The following SYT1 variants were observed in gnomAD, a reference collection of about 807,000 sequenced individuals.
SYT1 encodes synaptotagmin-1.
A neutral mutation model predicts 44.8 loss-of-function variants in SYT1; 8 were observed. The ratio of observed to expected loss-of-function variants is 0.18; its 90% CI spans 0.10 to 0.32. The LOEUF (loss-of-function observed/expected upper bound fraction) is 0.32. Among genes scored for constraint, SYT1 ranks in the 10% least tolerant of loss-of-function variants. The pLI, the probability that SYT1 is intolerant of heterozygous loss-of-function variation, is 1.00. For synonymous variants in SYT1, 154 were observed against 188.8 expected (o/e 0.82, Z 1.51); for missense variants, 286 against 509.3 (o/e 0.56, Z 4.22).
At chr12:79,091,843 A>C (rs1046781251) in intron 3 of SYT1, among the ~76,000 whole-genome samples, 3 of 152,112 alleles carry the variant, frequency 2.0e-5, no homozygotes, top group African/African-American at 7.2e-5. Context: ...AAAGTTAATC[A>C]CAATAAAACT....
chr12:78,894,533 A>T (rs1411335702), intron 1 of SYT1, among the ~76,000 whole-genome samples: 1 of 151,356 alleles, frequency 6.6e-6, no homozygotes, highest in Non-Finnish European at 1.5e-5. Flanking sequence ...ACGCATCAAA[A>T]TAATAGGATT....
At chr12:79,145,141 C>A (rs1168244487) in intron 3 of SYT1, among the ~76,000 whole-genome samples, 7 of 152,216 alleles carry the variant, frequency 4.6e-5, no homozygotes, top group Non-Finnish European at 7.3e-5. Flanking sequence ...ATCCAAATTA[C>A]TACTCTTGTT....
chr12:78,902,944 G>A (rs4083221), intron 1 of SYT1, among the ~76,000 whole-genome samples: 110,521 of 151,918 alleles, frequency 0.73, 40,329 homozygotes, highest in East Asian at 0.83. Context: ...TAAAGCAAGG[G>A]TCTTAATTTC....
At position 79,360,106 on chromosome 12, in the gene SYT1, T is replaced by C. The variant is rs372000443; in HGVS notation, c.928+6487T>C. Among the ~76,000 whole-genome samples the C allele has an allele frequency of 4.6e-5, 7 of 152,204 alleles. 1 individual carries two copies. Among genetic ancestry groups the C allele is most frequent in the Admixed American group, 3.3e-4 (5 of 15,276 alleles). ...CACATACCCATGTTATTTTTATGCA[T>C]CTTAAATTTGAAAACTACACTTCAG... On this transcript the variant is annotated intron_variant, in intron 9 of 10. Coordinates refer to ENST00000261205, the MANE Select transcript of SYT1 (RefSeq NM_005639.3).
chr12:79,263,277 T>G (rs967454368), intron 4 of SYT1, among the ~76,000 whole-genome samples: 3 of 152,142 alleles, frequency 2.0e-5, no homozygotes, highest in Admixed American at 1.3e-4. Context: ...GTGATTTTTT[T>G]TTTTTTTTTA....
intron 1 of SYT1, among the ~76,000 whole-genome samples, chr12:78,908,172 T>C (rs919250040): frequency 6.6e-6 from 1 of 151,978 alleles, no homozygotes; most frequent in Non-Finnish European, 1.5e-5. Context: ...CTTCACTATC[T>C]GATCAGCCTG....
chr12:79,151,743 A>G (rs1870285969), intron 3 of SYT1, among the ~76,000 whole-genome samples: 1 of 152,166 alleles, frequency 6.6e-6, no homozygotes, highest in South Asian at 2.1e-4. Flanking sequence ...TGAAGTAAAA[A>G]CAAACCTCAG....
chr12:79,202,079 C>T (rs1389873975), intron 3 of SYT1, among the ~76,000 whole-genome samples: 1 of 152,066 alleles, frequency 6.6e-6, no homozygotes, highest in African/African-American at 2.4e-5. Context: ...GCCAGCATGC[C>T]TGTTTATCAT....
At chr12:78,891,680 G>A (rs1875057915) in intron 1 of SYT1, among the ~76,000 whole-genome samples, 1 of 151,890 alleles carries the variant, frequency 6.6e-6, no homozygotes. Flanking sequence ...GAACATGTAG[G>A]ATAAAAGGAA....
At chr12:79,240,793 T>A (rs923692089) in intron 4 of SYT1, among the ~76,000 whole-genome samples, 7 of 152,224 alleles carry the variant, frequency 4.6e-5, no homozygotes, top group African/African-American at 9.6e-5. Flanking sequence ...ATTCATTTTT[T>A]AAAAAGTAAT....
At chr12:78,927,474 G>T (rs185645451) in intron 1 of SYT1, among the ~76,000 whole-genome samples, 2 of 152,042 alleles carry the variant, frequency 1.3e-5, no homozygotes, top group African/African-American at 2.4e-5. Context: ...TCTTCCGTGC[G>T]TTATGAGATA....
chr12:79,353,641 A>T (rs1565922422), intron 9 of SYT1, 22 bp downstream of exon 9: 1 of 1,579,564 alleles, frequency 6.3e-7, no homozygotes, highest in Admixed American at 1.7e-5. Context: ...GTGTTTATTG[A>T]TTTTTTTCAA....
chr12:79,242,215 T>C lies in SYT1; in HGVS notation c.166+24530T>C, dbSNP rs142561544. ...TGCATGTGGATCACCTGGGTCCTTGTGAACGAATGCTGCAATGACTTTACC... is the reference window on the plus strand; with the variant it reads ...TGCATGTGGATCACCTGGGTCCTTGCGAACGAATGCTGCAATGACTTTACC... On this transcript the variant is annotated intron_variant, in intron 4 of 10. Transcript: ENST00000261205. Among the ~76,000 whole-genome samples, 72 of 152,308 alleles carry C rather than the reference T, an allele frequency of 4.7e-4. No homozygotes were observed. The East Asian group carries it at 0.01, about 22-fold the overall frequency.
chr12:79,102,770 T>A (rs1362179298), intron 3 of SYT1, among the ~76,000 whole-genome samples: 1 of 152,164 alleles, frequency 6.6e-6, no homozygotes, highest in African/African-American at 2.4e-5. Flanking sequence ...GAGATTGAGG[T>A]TTGCAGTAGT....
At chr12:79,076,038 A>T (rs1876625638) in intron 3 of SYT1, among the ~76,000 whole-genome samples, 1 of 152,162 alleles carries the variant, frequency 6.6e-6, no homozygotes, top group Non-Finnish European at 1.5e-5. Flanking sequence ...ATGTCATAAA[A>T]TTACATTACA....
At chr12:79,067,431 T>C (rs189267186) in intron 3 of SYT1, among the ~76,000 whole-genome samples, 1 of 152,294 alleles carries the variant, frequency 6.6e-6, no homozygotes, top group African/African-American at 2.4e-5. Context: ...AGTAGGAAAC[T>C]ATATCTATAT....
intron 9 of SYT1, among the ~76,000 whole-genome samples, chr12:79,420,046 G>T (rs903150394): frequency 1.3e-5 from 2 of 152,066 alleles, no homozygotes; most frequent in African/African-American, 4.8e-5. Context: ...AACATGCCAT[G>T]GTAGGTAAAT....
intron 3 of SYT1, among the ~76,000 whole-genome samples, chr12:79,138,089 C>T (rs545518764): frequency 6.6e-6 from 1 of 152,130 alleles, no homozygotes; most frequent in African/African-American, 2.4e-5. Flanking sequence ...TATTGATTTC[C>T]CTGATCTTGC....
intron 2 of SYT1, among the ~76,000 whole-genome samples, chr12:79,014,156 A>G (rs1871637296): frequency 6.7e-6 from 1 of 149,764 alleles, no homozygotes; most frequent in South Asian, 2.1e-4. Flanking sequence ...AAAAAAAAGA[A>G]AGAAAAAGGA....
Sources: gnomAD v4.1 joint callset for allele counts (sites outside exome capture counted in the v4.1 genomes callset) on GRCh38, gnomAD v4.1.1 for gene constraint, MANE v1.5 for transcripts, NCBI Gene and HGNC (gene_info 2026-07-23, HGNC 2026-07-21) for gene names.